Variants in ERC1 observed in about 807,000 individuals in gnomAD.
ERC1 encodes ELKS/RAB6-interacting/CAST family member 1.
ERC1 carries 56 observed loss-of-function variants against 132.0 expected under a neutral mutation model. That is an observed-to-expected ratio of 0.42 (90% confidence interval 0.34 to 0.53). The LOEUF is 0.53. Among genes scored for constraint, ERC1 ranks in the 20% least tolerant of loss-of-function variants. The pLI is 0.03. For synonymous variants in ERC1, 478 were observed against 476.1 expected (o/e 1.00, Z -0.05); for missense variants, 1,202 against 1,349.9 (o/e 0.89, Z 1.72).
chr12:1,445,092 T>C (rs2093267807), intron 18 of ERC1: 2 of 212,802 alleles, frequency 9.4e-6, no homozygotes, highest in Non-Finnish European at 1.9e-5. Flanking sequence ...CATTGTGGAA[T>C]GGCTAAATAG....
At chr12:1,475,953 A>G (rs1291113592) in intron 18 of ERC1, among the ~76,000 whole-genome samples, 1 of 147,026 alleles carries the variant, frequency 6.8e-6, no homozygotes, top group Non-Finnish European at 1.5e-5. Context: ...CAACATAGTG[A>G]GATGTCATCT....
At chr12:1,374,007 G>GT (rs1234426711) in intron 16 of ERC1, among the ~76,000 whole-genome samples, 16 of 152,312 alleles carry the variant, frequency 1.1e-4, no homozygotes, top group African/African-American at 3.8e-4. Context: ...CTTTCAAAGC[G>GT]TATCTGGATG....
intron 18 of ERC1, among the ~76,000 whole-genome samples, chr12:1,457,071 G>T (rs2154419055): frequency 6.6e-6 from 1 of 152,272 alleles, no homozygotes; most frequent in African/African-American, 2.4e-5. Context: ...AGATATGTTT[G>T]GATCCAGAAA....
rs550685814 is a variant in ERC1 at position 1,347,935 on chromosome 12, A to G, written c.2781-23898A>G. On this transcript the variant is annotated intron_variant, in intron 15 of 18. Coordinates refer to ENST00000360905, the MANE Select transcript of ERC1 (RefSeq NM_178040.4). ...GAGGCAGAGGTTGCAGTGAGCAGAG[A>G]TGGCGCCACTGCACTCCAATCTGGT... Among the ~76,000 whole-genome samples, 3 of 152,304 alleles carry G rather than the reference A, an allele frequency of 2.0e-5. No homozygotes were observed. In the East Asian group the frequency reaches 5.8e-4, roughly 29 times the overall value.
chr12:1,109,864 A>G (rs989829989), intron 4 of ERC1, among the ~76,000 whole-genome samples: 2 of 152,246 alleles, frequency 1.3e-5, no homozygotes, highest in African/African-American at 2.4e-5. Flanking sequence ...CCTGGCCAAC[A>G]TGGCAAAACC....
intron 2 of ERC1, among the ~76,000 whole-genome samples, chr12:1,044,096 C>G (rs1474463934): frequency 2.0e-5 from 3 of 152,058 alleles, no homozygotes; most frequent in Non-Finnish European, 4.4e-5. Context: ...TCTGATAAGC[C>G]TGAAATTCAC....
intron 15 of ERC1, among the ~76,000 whole-genome samples, chr12:1,357,729 T>A (rs1417501731): frequency 6.6e-6 from 1 of 152,140 alleles, no homozygotes; most frequent in African/African-American, 2.4e-5. Context: ...TGTTGTAAAA[T>A]AATAAAGACA....
chr12:1,177,031 C>A (rs1407825330), intron 8 of ERC1, among the ~76,000 whole-genome samples: 3 of 152,216 alleles, frequency 2.0e-5, no homozygotes, highest in Non-Finnish European at 4.4e-5. Context: ...GAGACGGCTT[C>A]TTTCCTTAAA....
chr12:1,013,252 C>T (rs1273724942), intron 1 of ERC1, among the ~76,000 whole-genome samples: 1 of 152,056 alleles, frequency 6.6e-6, no homozygotes, highest in Admixed American at 6.6e-5. Flanking sequence ...AACTAAGTGG[C>T]GCAGATTGCT....
intron 7 of ERC1, among the ~76,000 whole-genome samples, chr12:1,122,259 ATCTCTATCTCTATCTGTGTCTC>A (rs1947495307): frequency 1.6e-4 from 1 of 6,124 alleles, no homozygotes; most frequent in Non-Finnish European, 3.7e-4. Flanking sequence ...CTCTATCTCT[ATCTCTATCTCTATCTGTGTCTC>A]TATCTCTATC....
intron 8 of ERC1, among the ~76,000 whole-genome samples, chr12:1,153,668 G>A (rs1951040305): frequency 6.6e-6 from 1 of 152,192 alleles, no homozygotes; most frequent in Non-Finnish European, 1.5e-5. Flanking sequence ...GCATGAACTC[G>A]GAGAAGGGAA....
chr12:1,192,171 A>G (rs1955800052), intron 12 of ERC1, among the ~76,000 whole-genome samples: 1 of 152,130 alleles, frequency 6.6e-6, no homozygotes, highest in Non-Finnish European at 1.5e-5. Context: ...CCCTTAGGTG[A>G]TTTATTCTTT....
intron 15 of ERC1, among the ~76,000 whole-genome samples, chr12:1,352,630 A>G (rs1254152233): frequency 6.6e-6 from 1 of 150,676 alleles, no homozygotes; most frequent in Non-Finnish European, 1.5e-5. Flanking sequence ...CACACAAATA[A>G]TTTCTTGTCC....
chr12:1,437,560 C>T (rs1047929951), intron 17 of ERC1, among the ~76,000 whole-genome samples: 3 of 152,130 alleles, frequency 2.0e-5, no homozygotes, highest in Non-Finnish European at 4.4e-5. Flanking sequence ...CCTTAGATTT[C>T]GTTTGAGTAG....
At chr12:1,324,721 T>C (rs1306816728) in intron 15 of ERC1, among the ~76,000 whole-genome samples, 1 of 152,250 alleles carries the variant, frequency 6.6e-6, no homozygotes, top group Admixed American at 6.5e-5. Context: ...TGCTTAGCGG[T>C]CTCAAACTTA....
intron 2 of ERC1, among the ~76,000 whole-genome samples, chr12:1,038,066 A>G (rs1969444816): frequency 6.6e-6 from 1 of 152,014 alleles, no homozygotes; most frequent in Non-Finnish European, 1.5e-5. Context: ...AAGAAAAAGA[A>G]AAAAACTATT....
chr12:1,147,976 A>T (rs564028951), intron 8 of ERC1, among the ~76,000 whole-genome samples: 20 of 152,172 alleles, frequency 1.3e-4, no homozygotes, highest in Admixed American at 9.2e-4. Context: ...TTCTATAAGG[A>T]TTACTTCATT....
intron 7 of ERC1, among the ~76,000 whole-genome samples, chr12:1,119,126 G>T (rs981051527): frequency 2.0e-5 from 3 of 152,124 alleles, no homozygotes; most frequent in Non-Finnish European, 4.4e-5. Context: ...CAATCCTCCT[G>T]CCTCTGCCTC....
At chr12:1,311,506 C>T (rs962715365) in intron 15 of ERC1, among the ~76,000 whole-genome samples, 1 of 152,058 alleles carries the variant, frequency 6.6e-6, no homozygotes, top group African/African-American at 2.4e-5. Flanking sequence ...AATTTATTAA[C>T]CTAATTTTTA....
Sources: gnomAD v4.1 joint callset for allele counts (sites outside exome capture counted in the v4.1 genomes callset) on GRCh38, gnomAD v4.1.1 for gene constraint, MANE v1.5 for transcripts, NCBI Gene and HGNC (gene_info 2026-07-23, HGNC 2026-07-21) for gene names.